The following ISL2 variants were observed in gnomAD, a reference collection of about 807,000 sequenced individuals.
ISL2 encodes insulin gene enhancer protein ISL-2.
ISL2 carries 17 observed loss-of-function variants against 34.6 expected under a neutral mutation model. The observed-to-expected ratio is 0.49, with a 90% confidence interval of 0.34 to 0.74. The LOEUF is 0.74. ISL2 is among the 30% of genes least tolerant of loss of function. The pLI is 0.01. For missense variants in ISL2, 469 were observed against 515.2 expected (o/e 0.91, Z 0.87); for synonymous variants, 232 against 225.5 (o/e 1.03, Z -0.26).
intron 3 of ISL2, 56 bp from the exon 4 acceptor site, chr15:76,340,219 TC>T: frequency 7.1e-7 from 1 of 1,416,324 alleles, no homozygotes. Context: ...GAGGTTGGGC[TC>T]GGGGCGGGTG....
chr15:76,341,176 C>G lies in ISL2; in HGVS notation c.838C>G (p.Pro280Ala). 6.2e-7 allele frequency: 1 copy of G among 1,612,460 alleles called. No homozygotes were observed. Among genetic ancestry groups the G allele is most frequent in the Non-Finnish European group, 8.5e-7 (1 of 1,179,820 alleles). Residue 280 changes from proline to alanine, a missense_variant, in exon 5 of 6, where the codon CCC becomes GCC. Around this residue, in one of 3 missense-constraint regions of ISL2, gnomAD observed 169 missense variants for 154.2 expected, o/e 1.10. Transcript: ENST00000290759. ...TGGGACGCCCCTGGTGGCGGGCAGT[C>G]CCATCCGCCATGAGAACGCCGTGCA... is the stretch of plus-strand genomic sequence containing the variant. ...LTGTPLVAGS[P>A]IRHENAVQGS...
At chr15:76,340,213 T>C in intron 3 of ISL2, 63 bp from the exon 4 acceptor site, 1 of 1,471,280 alleles carries the variant, frequency 6.8e-7, no homozygotes, top group Non-Finnish European at 9.0e-7. Context: ...CACCCGGAGG[T>C]TGGGCTCGGG....
In ISL2 at chr15:76,338,426, C is replaced by G. The variant is rs1358989154; in HGVS notation, c.423C>G (p.Ala141=). The G allele has an allele frequency of 2.7e-6, 4 of 1,489,312 alleles. No homozygotes were observed. The highest frequency in any genetic ancestry group is 1.3e-5 in the South Asian group (1 of 79,228). The allele number at this position is 1,489,312 out of a possible 1,614,324, so 92.3% of individuals were successfully genotyped here. A position where few individuals can be genotyped will look rare whatever the true frequency, so the allele number is the denominator to read the frequency against. Reference sequence around the variant, plus strand: ...GGGAGCACGAGCTGCTCTGCCGCGCCGACCACGGCCTCCTGCTCGAGCGCG... The same window carrying G: ...GGGAGCACGAGCTGCTCTGCCGCGCGGACCACGGCCTCCTGCTCGAGCGCG... The part of the protein sequence containing the change: ...SLREHELLCR[A]DHGLLLERAA... The change falls in exon 3 of 6, where the codon GCC becomes GCG. Residue 141 remains alanine (A), a synonymous_variant. Coordinates refer to ENST00000290759, the MANE Select transcript of ISL2 (RefSeq NM_145805.3).
At chr15:76,341,434 G>A in intron 5 of ISL2, 133 bp downstream of exon 5, 2 of 835,494 alleles carry the variant, frequency 2.4e-6, no homozygotes, top group Non-Finnish European at 3.7e-6. Flanking sequence ...TGGGGGAGGG[G>A]GAACAGTGGC....
rs977583510 is a variant in ISL2 at position 76,341,173 on chromosome 15, A to T, written c.835A>T (p.Ser279Cys). ...GACTGGGACGCCCCTGGTGGCGGGC[A>T]GTCCCATCCGCCATGAGAACGCCGT... ...GLTGTPLVAG[S>C]PIRHENAVQG... Residue 279 changes from serine (S) to cysteine (C), a missense_variant, in exon 5 of 6, where the codon AGT (serine) becomes TGT (cysteine). By Grantham distance (112) the Ser-to-Cys change is moderately radical. Around this residue, in one of 3 missense-constraint regions of ISL2, gnomAD observed 169 missense variants for 154.2 expected, o/e 1.10. Coordinates refer to ENST00000290759, the MANE Select transcript of ISL2 (RefSeq NM_145805.3). The T allele has an allele frequency of 1.2e-6, 2 of 1,612,252 alleles. No individual in the cohort carries two copies. Among genetic ancestry groups the T allele is most frequent in the African/African-American group, 2.7e-5 (2 of 75,064 alleles).
chr15:76,336,994 CA>C, intron 1 of ISL2, 53 bp downstream of exon 1: 1 of 1,483,182 alleles, frequency 6.7e-7, no homozygotes, highest in Admixed American at 1.7e-5. Flanking sequence ...GCTTAATATG[CA>C]AAATTTCTAA....
intron 2 of ISL2, 59 bp from the exon 3 acceptor site, chr15:76,338,193 C>T (rs2040166992): frequency 2.0e-6 from 3 of 1,507,094 alleles, no homozygotes; most frequent in Admixed American, 4.1e-5. Flanking sequence ...CCGTAGCAGC[C>T]AGGGAGATGA....
At chr15:76,337,010 G>T in intron 1 of ISL2, 69 bp downstream of exon 1, 1 of 1,405,450 alleles carries the variant, frequency 7.1e-7, no homozygotes, top group South Asian at 1.2e-5. Context: ...TTCTAATGCA[G>T]AAAAATGTTT....
chr15:76,336,812 A>C lies in ISL2; in HGVS notation c.-72A>C. On this transcript the variant is annotated 5_prime_UTR_variant, in exon 1 of 6. Coordinates refer to ENST00000290759, the MANE Select transcript of ISL2 (RefSeq NM_145805.3). ...GGGCAGTAGGAGTTAGTTAGCAAAG[A>C]GCCGAGGCCGGGCGCGCGACCCTCG... 8.1e-6 allele frequency: 11 copies of C among 1,360,562 alleles called. No individual in the cohort carries two copies. Among genetic ancestry groups the C allele is most frequent in the Non-Finnish European group, 1.2e-5 (11 of 950,328 alleles). 84.3% of individuals were successfully genotyped at this position (1,360,562 alleles called of 1,614,324 possible). A position where few individuals can be genotyped will look rare whatever the true frequency, so the allele number is the denominator to read the frequency against.
rs560919739 is a variant in ISL2, at chr15:76,342,094, C to CCCTCT, written c.*271_*275dup. ...CTGGGACTTACCAGGGTTAGCTCTGCCCTCTCCTCTCCTCTCTACGTGGCC... is the reference window on the plus strand; with the variant it reads ...CTGGGACTTACCAGGGTTAGCTCTGCCCTCTCCTCTCCTCTCCTCTCTACGTGGCC... On this transcript the variant is annotated 3_prime_UTR_variant, in exon 6 of 6. Transcript: ENST00000290759. 1.6e-5 allele frequency: 6 copies of CCCTCT among 385,000 alleles called. No homozygotes were observed. Among genetic ancestry groups the CCCTCT allele is most frequent in the African/African-American group, 4.1e-5 (2 of 48,426 alleles). 23.8% of individuals were successfully genotyped at this position (385,000 alleles called of 1,614,324 possible). A position where few individuals can be genotyped will look rare whatever the true frequency, so the allele number is the denominator to read the frequency against.
chr15:76,341,574 G>C (rs2040194837), intron 5 of ISL2, 145 bp from the exon 6 acceptor site: 1 of 726,740 alleles, frequency 1.4e-6, no homozygotes, highest in South Asian at 1.6e-5. Flanking sequence ...CGTGCGCCTG[G>C]GGACCTGGCC....
chr15:76,339,728 G>A (rs933752016), intron 3 of ISL2: 43 of 986,376 alleles, frequency 4.4e-5, no homozygotes, highest in Non-Finnish European at 5.2e-5. Context: ...GTCCATAACC[G>A]TGGATGAGTC....
Position 76,341,920 on chromosome 15 carries a change from G to C in ISL2, c.*85G>C, listed in dbSNP as rs2040197486. The C allele has an allele frequency of 1.2e-6, 1 of 866,732 alleles. No homozygotes were observed. The highest frequency in any genetic ancestry group is 2.0e-6 in the Non-Finnish European group (1 of 511,432). The allele number at this position is 866,732 out of a possible 1,614,324, so 53.7% of individuals were successfully genotyped here. ...TGCTCAGGCCATTCCAGTTCCGAAAGCTCTCTCGCCTTCGTAATTATTCTA... is the reference window on the plus strand; with the variant it reads ...TGCTCAGGCCATTCCAGTTCCGAAACCTCTCTCGCCTTCGTAATTATTCTA... On this transcript the variant is annotated 3_prime_UTR_variant, in exon 6 of 6. Transcript: ENST00000290759.
intron 3 of ISL2, 131 bp downstream of exon 3, chr15:76,338,645 G>T: frequency 8.1e-7 from 1 of 1,231,780 alleles, no homozygotes; most frequent in Non-Finnish European, 1.0e-6. Context: ...GTGTTTTTCT[G>T]TATCAGTGCG....
chr15:76,337,078 T>A (rs1419270749), intron 1 of ISL2, 137 bp downstream of exon 1: 2 of 752,682 alleles, frequency 2.7e-6, no homozygotes, highest in African/African-American at 1.7e-5. Flanking sequence ...GAAAAACGAA[T>A]GCATGTCTCC....
chr15:76,339,160 A>G (rs2040174144), intron 3 of ISL2: 10 of 985,420 alleles, frequency 1.0e-5, no homozygotes, highest in Non-Finnish European at 1.1e-5. Context: ...GGCTGAACAG[A>G]AACAGAGGTG....
chr15:76,339,180 C>G (rs1258626105), intron 3 of ISL2: 1 of 985,256 alleles, frequency 1.0e-6, no homozygotes, highest in African/African-American at 1.7e-5. Context: ...GCCTCCACCC[C>G]AGGCAAGGCA....
At chr15:76,336,971 G>C in intron 1 of ISL2, 30 bp downstream of exon 1, 1 of 1,584,844 alleles carries the variant, frequency 6.3e-7, no homozygotes, top group Non-Finnish European at 8.7e-7. Flanking sequence ...TGTGGGGTGG[G>C]GTGTGTGTGT....
At chr15:76,337,658 G>C (rs1314975704) in intron 1 of ISL2, 120 bp from the exon 2 acceptor site, 1 of 858,418 alleles carries the variant, frequency 1.2e-6, no homozygotes, top group Non-Finnish European at 1.7e-6. Flanking sequence ...TTTCCTTATG[G>C]TCGCAAGTCT....
Sources: gnomAD v4.1 joint callset for allele counts on GRCh38, gnomAD v4.1.1 for gene constraint, gnomAD v4.1.1 regional missense constraint, MANE v1.5 for transcripts, NCBI Gene and HGNC (gene_info 2026-07-23, HGNC 2026-07-21) for gene names.